Variants in SNU13 observed in about 807,000 individuals in gnomAD.
The protein encoded by SNU13 is NHP2-like protein 1.
SNU13 carries 2 observed loss-of-function variants against 12.4 expected under a neutral mutation model. That is an observed-to-expected ratio of 0.16 (90% CI 0.07 to 0.51). The LOEUF (loss-of-function observed/expected upper bound fraction) is 0.51, where lower values mean the gene tolerates loss of function less well. SNU13 is among the 20% of genes least tolerant of loss of function. The pLI is 0.96. For synonymous variants in SNU13, 68 were observed against 66.5 expected, an observed-to-expected ratio of 1.02 and a Z score of -0.11; for missense variants, 66 against 157.8, an observed-to-expected ratio of 0.42 and a Z score of 3.12.
At chr22:41,682,243 G>T in intron 1 of SNU13, 2 of 1,170,584 alleles carry the variant, frequency 1.7e-6, no homozygotes, top group East Asian at 2.4e-5. Flanking sequence ...CCGCGCACCT[G>T]CCTTTTCCTC....
rs2068192627 is a variant in SNU13 at position 41,674,436 on chromosome 22, A to ACACATGCTTCCT, written c.*485_*496dup. The ACACATGCTTCCT allele has an allele frequency of 6.2e-6, 1 of 160,692 alleles. No homozygotes were observed. Among genetic ancestry groups the ACACATGCTTCCT allele is most frequent in the East Asian group, 1.8e-4 (1 of 5,534 alleles). The allele number at this position is 160,692 out of a possible 1,614,324, so 10.0% of individuals were successfully genotyped here. On this transcript the variant is annotated 3_prime_UTR_variant, in exon 3 of 3. Transcript: ENST00000401959. ...GGACATAGCCGAACAACCTCACAGA[A>ACACATGCTTCCT]CACATGCTTCCTCCCCAAATGATAC...
chr22:41,677,342 G>A (rs1285739396), intron 2 of SNU13, among the ~76,000 whole-genome samples: 1 of 151,942 alleles, frequency 6.6e-6, no homozygotes, highest in Admixed American at 6.6e-5. Context: ...TGGGCAACAT[G>A]GCAAAACCCC....
chr22:41,684,399 C>T (rs189904001), intron 1 of SNU13, among the ~76,000 whole-genome samples: 114 of 152,016 alleles, frequency 7.5e-4, no homozygotes, highest in African/African-American at 2.7e-3. Flanking sequence ...CTTTTTATCC[C>T]GTTTCTCCCT....
At chr22:41,676,683 T>G (rs889060596) in intron 2 of SNU13, among the ~76,000 whole-genome samples, 2 of 152,212 alleles carry the variant, frequency 1.3e-5, no homozygotes, top group African/African-American at 4.8e-5. Context: ...AAAGTATACA[T>G]GTATATACAT....
At chr22:41,678,678 GAAGA>G (rs2068235400) in intron 2 of SNU13, among the ~76,000 whole-genome samples, 2 of 152,176 alleles carry the variant, frequency 1.3e-5, no homozygotes, top group African/African-American at 4.8e-5. Context: ...CATCAAGTGA[GAAGA>G]GAGACCTCCC....
chr22:41,677,121 G>T (rs1345952370), intron 2 of SNU13, among the ~76,000 whole-genome samples: 2 of 151,998 alleles, frequency 1.3e-5, no homozygotes, highest in African/African-American at 4.8e-5. Flanking sequence ...TAAGCTTTTA[G>T]CCATGTTTCA....
At chr22:41,675,229 T>C (rs753728231) in intron 2 of SNU13, 34 bp from the exon 3 acceptor site, 6 of 1,604,122 alleles carry the variant, frequency 3.7e-6, no homozygotes, top group Non-Finnish European at 4.2e-6. Context: ...TAATAGGTGA[T>C]GTGGGCTTGG....
chr22:41,681,739 G>A (rs944182378), intron 1 of SNU13, among the ~76,000 whole-genome samples: 4 of 152,176 alleles, frequency 2.6e-5, no homozygotes, highest in African/African-American at 4.8e-5. Context: ...GGGGACGAGC[G>A]CGGTGTCTCA....
At chr22:41,688,717 T>A (rs1226867279) in intron 1 of SNU13, 77 bp downstream of exon 1, 3 of 1,543,440 alleles carry the variant, frequency 1.9e-6, no homozygotes, top group Admixed American at 3.7e-5. Flanking sequence ...GCTCTAAGCC[T>A]CCATCTAACA....
At chr22:41,686,497 G>T (rs146741716) in intron 1 of SNU13, among the ~76,000 whole-genome samples, 1,638 of 150,796 alleles carry the variant, frequency 0.011, 13 homozygotes, top group Non-Finnish European at 0.016. Flanking sequence ...TAGAGATGGG[G>T]GTTTCACCAT....
chr22:41,681,392 T>C (rs2068261643), intron 1 of SNU13: 1 of 152,226 alleles, frequency 6.6e-6, no homozygotes, highest in Non-Finnish European at 1.5e-5. Context: ...ATTTTTCAAA[T>C]ATGTAAAATA....
chr22:41,674,677 G>T lies in SNU13; in HGVS notation c.*256C>A. The T allele has an allele frequency of 2.2e-6, 1 of 455,740 alleles. No individual in the cohort carries two copies. Among genetic ancestry groups the T allele is most frequent in the Non-Finnish European group, 3.9e-6 (1 of 254,728 alleles). The allele number at this position is 455,740 out of a possible 1,614,324, so 28.2% of individuals were successfully genotyped here. On this transcript the variant is annotated 3_prime_UTR_variant, in exon 3 of 3. Transcript: ENST00000401959. ...TGCCTTTCAACGGTGCCACCACCCT[G>T]CTTCTGTCTGCTCTGAACACTTGTT...
intron 2 of SNU13, among the ~76,000 whole-genome samples, chr22:41,678,210 C>T (rs7285944): frequency 0.8 from 120,949 of 151,184 alleles, 49,358 homozygotes; most frequent in East Asian, 0.92. Context: ...CTCCTGACCT[C>T]ATGATCTGCC....
intron 1 of SNU13, 141 bp downstream of exon 1, chr22:41,688,653 T>A (rs2068332441): frequency 8.1e-7 from 1 of 1,227,838 alleles, no homozygotes; most frequent in Non-Finnish European, 1.1e-6. Flanking sequence ...CTGCTGGGGT[T>A]CTAACTAAGG....
In SNU13 at chr22:41,675,736, TTTTC is replaced by T. The variant is rs1446210424; in HGVS notation, c.125-545_125-542del. The stretch of plus-strand genomic sequence containing the variant: ...TGTGCCTGTCCTAATCTGACAACTT[TTTTC>T]TTTCTTTTTTTTTTTTTTTTCTTTT... On this transcript the variant is annotated intron_variant, in intron 2 of 2. Coordinates refer to ENST00000401959, the MANE Select transcript of SNU13 (RefSeq NM_001003796.2). Among the ~76,000 whole-genome samples, 7 of 147,980 alleles carry T rather than the reference TTTTC, an allele frequency of 4.7e-5. No individual in the cohort carries two copies. In the East Asian group the frequency reaches 8.0e-4, roughly 17 times the overall value.
Position 41,674,872 on chromosome 22 carries a change from T to A in SNU13, c.*61A>T, listed in dbSNP as rs1312199416. 5.1e-6 allele frequency: 8 copies of A among 1,580,556 alleles called. No homozygotes were observed. The highest frequency in any genetic ancestry group is 2.7e-5 in the African/African-American group (2 of 73,964). On this transcript the variant is annotated 3_prime_UTR_variant, in exon 3 of 3. Coordinates refer to ENST00000401959, the MANE Select transcript of SNU13 (RefSeq NM_001003796.2). ...TGAAAATACTACATGCTAACACAGA[T>A]AATATGATACACAACCTCAGGGGGG...
At chr22:41,680,949 G>C (rs1483445526) in intron 1 of SNU13, among the ~76,000 whole-genome samples, 3 of 152,154 alleles carry the variant, frequency 2.0e-5, no homozygotes, top group Non-Finnish European at 4.4e-5. Flanking sequence ...ACAGCACTTT[G>C]GGCGGCCGAG....
chr22:41,681,296 A>G (rs2147137047), intron 1 of SNU13: 1 of 152,364 alleles, frequency 6.6e-6, no homozygotes, highest in African/African-American at 2.4e-5. Flanking sequence ...ACTTTGTTCA[A>G]AAGTTATTCA....
At chr22:41,675,220 A>G (rs775515101) in intron 2 of SNU13, 25 bp from the exon 3 acceptor site, 1 of 1,607,746 alleles carries the variant, frequency 6.2e-7, no homozygotes, top group South Asian at 1.1e-5. Context: ...ACGTGAAGCT[A>G]ATAGGTGATG....
Sources: allele counts gnomAD v4.1 joint callset (sites outside exome capture counted in the v4.1 genomes callset), GRCh38; gene constraint gnomAD v4.1.1; transcripts MANE v1.5; gene names NCBI Gene and HGNC (gene_info 2026-07-23, HGNC 2026-07-21).